Variants in KIF11 observed in about 807,000 individuals in gnomAD.
KIF11 encodes kinesin-like protein KIF11.
A neutral mutation model predicts 121.0 loss-of-function variants in KIF11; 9 were observed. The ratio of observed to expected loss-of-function variants is 0.07; its 90% confidence interval spans 0.04 to 0.13. The LOEUF is 0.13. Ranked by LOEUF, KIF11 falls within the 10% of genes least tolerant of loss-of-function variation. KIF11 has a pLI of 1.00. For synonymous variants in KIF11, 408 were observed against 421.0 expected (o/e 0.97, Z 0.38); for missense variants, 846 against 1,217.5 (o/e 0.69, Z 4.54).
intron 12 of KIF11, among the ~76,000 whole-genome samples, chr10:92,632,243 C>T (rs1486333546): frequency 6.6e-6 from 1 of 152,010 alleles, no homozygotes; most frequent in Non-Finnish European, 1.5e-5. Flanking sequence ...CTCTGGCTCA[C>T]TGCAACCTCC....
intron 1 of KIF11, among the ~76,000 whole-genome samples, chr10:92,598,323 G>C (rs939994867): frequency 6.6e-6 from 1 of 152,124 alleles, no homozygotes; most frequent in Non-Finnish European, 1.5e-5. Context: ...TGGATATTTA[G>C]TTTCCCAGCA....
intron 4 of KIF11, 79 bp from the exon 5 acceptor site, chr10:92,608,936 ATATAT>A (rs879770292): frequency 2.0e-5 from 14 of 698,898 alleles, no homozygotes; most frequent in African/African-American, 1.1e-4. Context: ...TTATGTTTAA[ATATAT>A]TATAAAGGAG....
intron 6 of KIF11, among the ~76,000 whole-genome samples, chr10:92,609,782 G>A (rs1274403612): frequency 2.0e-5 from 3 of 152,050 alleles, no homozygotes; most frequent in East Asian, 1.9e-4. Flanking sequence ...TGTTACCCAG[G>A]CTGGAGTGCA....
At chr10:92,609,586 G>A in intron 6 of KIF11, 77 bp downstream of exon 6, 1 of 1,436,710 alleles carries the variant, frequency 7.0e-7, no homozygotes, top group Non-Finnish European at 9.4e-7. Flanking sequence ...GTCAAATTGG[G>A]GTGGGTCAGG....
chr10:92,651,475 A>C (rs1301063427), intron 21 of KIF11, among the ~76,000 whole-genome samples: 3 of 136,456 alleles, frequency 2.2e-5, no homozygotes, highest in African/African-American at 8.1e-5. Flanking sequence ...AGCCAGGATT[A>C]CAGGCATGTG....
At chr10:92,616,402 G>A (rs1844557990) in intron 8 of KIF11, among the ~76,000 whole-genome samples, 1 of 151,836 alleles carries the variant, frequency 6.6e-6, no homozygotes, top group Admixed American at 6.6e-5. Context: ...ATCTCCCTAT[G>A]TTGCCAAGGC....
chr10:92,633,457 T>A (rs1360233030), intron 13 of KIF11, among the ~76,000 whole-genome samples, 166 bp from the exon 14 acceptor site: 3 of 152,220 alleles, frequency 2.0e-5, no homozygotes. Context: ...AAAATTGTAA[T>A]GTATATTTAA....
rs1844799298 is a variant in KIF11 at position 92,636,557 on chromosome 10, A to G, written c.1876-627A>G. The stretch of plus-strand genomic sequence containing the variant: ...CTTGAACCCAGGAGGCGGAGGTTGC[A>G]GTGAGCCAAGATCACGCCATTGCAC... On this transcript the variant is annotated intron_variant, in intron 14 of 21. Transcript: ENST00000260731. Among the ~76,000 whole-genome samples the G allele has an allele frequency of 4.6e-5, 7 of 152,162 alleles. No homozygotes were observed. The South Asian group carries it at 1.5e-3, about 32-fold the overall frequency.
At chr10:92,625,417 C>T (rs1844664491) in intron 10 of KIF11, among the ~76,000 whole-genome samples, 1 of 150,900 alleles carries the variant, frequency 6.6e-6, no homozygotes. Flanking sequence ...GGCACGATCT[C>T]AGCTCACTTC....
chr10:92,645,466 A>G lies in KIF11; in HGVS notation c.2371A>G (p.Thr791Ala). ...ACTCAGAAATTTTAACCAAGAAGGT[A>G]CAAAATTGGTTGAAGAATCTGTGAA... ...QELRNFNQEG[T>A]KLVEESVKHS... The change falls in exon 18 of 22, where the codon ACA becomes GCA. Residue 791 changes from threonine (T) to alanine (A), a missense_variant. Thr to Ala is a moderately conservative substitution (Grantham distance 58). This residue lies in a region of KIF11 where 492 missense variants were observed against 603.4 expected (regional missense o/e 0.82). Coordinates refer to ENST00000260731, the MANE Select transcript of KIF11 (RefSeq NM_004523.4). 1.9e-6 allele frequency: 3 copies of G among 1,614,108 alleles called. No individual in the cohort carries two copies. Among genetic ancestry groups the G allele is most frequent in the Non-Finnish European group, 1.7e-6 (2 of 1,179,950 alleles).
intron 1 of KIF11, among the ~76,000 whole-genome samples, chr10:92,594,313 T>A (rs1844267757): frequency 6.6e-6 from 1 of 152,216 alleles, no homozygotes; most frequent in Non-Finnish European, 1.5e-5. Context: ...AGGCTATTGT[T>A]TACTCAGCCC....
intron 9 of KIF11, among the ~76,000 whole-genome samples, chr10:92,617,559 A>G (rs540201196): frequency 3.3e-5 from 5 of 152,086 alleles, no homozygotes; most frequent in African/African-American, 4.8e-5. Context: ...TCTGGGTTGT[A>G]TAGTAAGTTT....
At chr10:92,605,159 A>G (rs1844414645) in intron 1 of KIF11, among the ~76,000 whole-genome samples, 1 of 152,188 alleles carries the variant, frequency 6.6e-6, no homozygotes. Context: ...GGAAATAATC[A>G]TTTCAACTAA....
chr10:92,636,278 A>G (rs911979407), intron 14 of KIF11, among the ~76,000 whole-genome samples: 4 of 152,142 alleles, frequency 2.6e-5, no homozygotes, highest in Non-Finnish European at 5.9e-5. Context: ...CTGAAATCTT[A>G]TTAACTGTCA....
chr10:92,634,779 A>G (rs1589603245), intron 14 of KIF11, among the ~76,000 whole-genome samples: 1 of 152,182 alleles, frequency 6.6e-6, no homozygotes, highest in East Asian at 1.9e-4. Context: ...TAGTTGGCCC[A>G]GAAATTGGCA....
Position 92,628,829 on chromosome 10 carries a change from T to C in KIF11, c.1239T>C (p.Thr413=), listed in dbSNP as rs1396946513. Reference sequence around the variant, plus strand: ...TTAGAGTCATGAGTGGAAAATTAACTGTTCAAGAAGAGCAGATTGTAGAAT... The same window carrying C: ...TTAGAGTCATGAGTGGAAAATTAACCGTTCAAGAAGAGCAGATTGTAGAAT... ...ENFRVMSGKL[T]VQEEQIVELI... The change falls in exon 11 of 22, where the codon ACT becomes ACC. Residue 413 remains threonine, a synonymous_variant. Coordinates refer to ENST00000260731, the MANE Select transcript of KIF11 (RefSeq NM_004523.4). The C allele has an allele frequency of 6.3e-7, 1 of 1,599,476 alleles. No individual in the cohort carries two copies. Among genetic ancestry groups the C allele is most frequent in the Non-Finnish European group, 8.6e-7 (1 of 1,169,178 alleles).
At chr10:92,614,137 C>T (rs1375294847) in intron 8 of KIF11, among the ~76,000 whole-genome samples, 2 of 149,560 alleles carry the variant, frequency 1.3e-5, no homozygotes, top group African/African-American at 2.5e-5. Context: ...ACTCTTGTCC[C>T]CCAGACTGGA....
chr10:92,653,547 G>T, intron 21 of KIF11, 118 bp from the exon 22 acceptor site: 3 of 870,240 alleles, frequency 3.4e-6, no homozygotes, highest in Non-Finnish European at 3.4e-6. Context: ...AACCTTTTTT[G>T]GTTTTCTACA....
intron 20 of KIF11, 36 bp downstream of exon 20, chr10:92,650,022 T>C (rs974157924): frequency 2.7e-6 from 4 of 1,503,314 alleles, no homozygotes; most frequent in Non-Finnish European, 3.7e-6. Flanking sequence ...AATAGAACTC[T>C]TTTATGAACT....
Sources: allele counts gnomAD v4.1 joint callset (sites outside exome capture counted in the v4.1 genomes callset), GRCh38; gene constraint gnomAD v4.1.1; regional missense constraint gnomAD v4.1.1; transcripts MANE v1.5; gene names NCBI Gene and HGNC (gene_info 2026-07-23, HGNC 2026-07-21).